The following PFKFB3 variants were observed in gnomAD, a reference collection of about 807,000 sequenced individuals.
PFKFB3 encodes 6-phosphofructo-2-kinase/fructose-2,6-biphosphatase 3, also known as 6-phosphofructo-2-kinase/fructose-2,6-bisphosphatase 3.
In PFKFB3, 33 loss-of-function variants were observed where a neutral mutation model predicts 68.0. The observed-to-expected ratio is 0.49, with a 90% CI of 0.37 to 0.65. The LOEUF (loss-of-function observed/expected upper bound fraction) is 0.65. PFKFB3 is among the 30% of genes least tolerant of loss of function. PFKFB3 has a pLI of 0.00. For synonymous variants in PFKFB3, 315 were observed against 288.2 expected, an observed-to-expected ratio of 1.09 and a Z score of -0.94; for missense variants, 586 against 712.2, an observed-to-expected ratio of 0.82 and a Z score of 2.02.
At chr10:6,265,958 G>A in the PFKFB3 span, among the ~76,000 whole-genome samples, 1 of 151,584 alleles carries the variant, frequency 6.6e-6, no homozygotes, top group Admixed American at 6.6e-5. Context: ...TTACGTAGGT[G>A]GGAGTGCAGT....
At position 6,235,522 on chromosome 10, in the gene PFKFB3, G is replaced by A. The variant is rs1845983562; in HGVS notation, c.*2580G>A. 1 of 152,286 alleles carries A rather than the reference G, an allele frequency of 6.6e-6. No individual in the cohort carries two copies. Among genetic ancestry groups the A allele is most frequent in the South Asian group, 2.1e-4 (1 of 4,828 alleles). The allele number at this position is 152,286 out of a possible 1,614,324, so 9.4% of individuals were successfully genotyped here. A position where few individuals can be genotyped will look rare whatever the true frequency, so the allele number is the denominator to read the frequency against. On this transcript the variant is annotated 3_prime_UTR_variant, in exon 15 of 15. Coordinates refer to ENST00000379775, the MANE Select transcript of PFKFB3 (RefSeq NM_004566.4). ...AGTTGCCAGACCAATAAAATACCTG[G>A]TTGAAATACATGGACGAAGTAAACC...
chr10:6,257,095 C>G (rs1846501883), downstream of PFKFB3, among the ~76,000 whole-genome samples: 1 of 152,178 alleles, frequency 6.6e-6, no homozygotes, highest in African/African-American at 2.4e-5. Flanking sequence ...TTCCCAACAG[C>G]AGCATCATAA....
At chr10:6,258,415 G>T (rs1846510954), downstream of PFKFB3, among the ~76,000 whole-genome samples, 1 of 152,236 alleles carries the variant, frequency 6.6e-6, no homozygotes, top group East Asian at 1.9e-4. Flanking sequence ...GCATGTGCCT[G>T]TGCAGTTAAT....
At chr10:6,170,518 G>A (rs1842275912) in intron 1 of PFKFB3, among the ~76,000 whole-genome samples, 1 of 152,180 alleles carries the variant, frequency 6.6e-6, no homozygotes, top group South Asian at 2.1e-4. Context: ...GACTGGCCTG[G>A]GCCACATAGA....
At chr10:6,180,440 T>C (rs1842679222) in intron 1 of PFKFB3, among the ~76,000 whole-genome samples, 1 of 152,202 alleles carries the variant, frequency 6.6e-6, no homozygotes, top group Non-Finnish European at 1.5e-5. Context: ...CTTCAAGTTT[T>C]TTCTTTTCTT....
At position 6,234,811 on chromosome 10, in the gene PFKFB3, A is replaced by G. The variant is rs1845937737; in HGVS notation, c.*1869A>G. The stretch of plus-strand genomic sequence containing the variant: ...GAAGTTTGATACAGATAGGGGCTTG[A>G]TAGCTGTGGTCCCCTCTCCCCTCTG... On this transcript the variant is annotated 3_prime_UTR_variant, in exon 15 of 15. Transcript: ENST00000379775. 6.6e-6 allele frequency: 1 copy of G among 152,282 alleles called. No homozygotes were observed. The allele number at this position is 152,282 out of a possible 1,614,324, so 9.4% of individuals were successfully genotyped here.
the PFKFB3 span, among the ~76,000 whole-genome samples, chr10:6,306,556 A>G: frequency 1.3e-5 from 2 of 152,172 alleles, no homozygotes; most frequent in African/African-American, 4.8e-5. Context: ...CAAAAATGTA[A>G]CAGATTTCCC....
chr10:6,201,536 A>G (rs1167714114), upstream of PFKFB3, among the ~76,000 whole-genome samples: 6 of 133,022 alleles, frequency 4.5e-5, no homozygotes, highest in Non-Finnish European at 9.5e-5. The surrounding 1 kb of genome is among the most constrained non-coding windows in gnomAD (Gnocchi z 4.1). Context: ...GCCCCTCGGC[A>G]GGCGGCGGGT....
In PFKFB3 at chr10:6,154,579, C is replaced by G. The variant is rs1467354403; in HGVS notation, c.16+9566C>G. Among the ~76,000 whole-genome samples, 1 of 152,150 alleles carries G rather than the reference C, an allele frequency of 6.6e-6. No homozygotes were observed. The highest frequency in any genetic ancestry group is 6.6e-5 in the Admixed American group (1 of 15,266). On this transcript the variant is annotated intron_variant, in intron 1 of 14. Transcript: ENST00000379789. This position sits in a 1 kb window ranked among gnomAD's most constrained non-coding sequence, Gnocchi z 4.6. ...ATTAACGTGACACCATAAAACGTCT[C>G]CGCCACGGGTGGCTACTATCCTGAG...
intron 1 of PFKFB3, among the ~76,000 whole-genome samples, chr10:6,191,307 C>T (rs1339495286): frequency 6.6e-6 from 1 of 152,226 alleles, no homozygotes; most frequent in Admixed American, 6.5e-5. Flanking sequence ...TCTGAATCCC[C>T]ACCAGCAGGG....
Position 6,228,145 on chromosome 10 carries a change from A to G in PFKFB3, c.1515+1780A>G. The G allele has an allele frequency of 6.2e-7, 1 of 1,610,118 alleles. No individual in the cohort carries two copies. The highest frequency in any genetic ancestry group is 8.5e-7 in the Non-Finnish European group (1 of 1,177,514). On this transcript the variant is annotated intron_variant, in intron 14 of 14. Transcript: ENST00000379775. This position sits in a 1 kb window ranked among gnomAD's most constrained non-coding sequence, Gnocchi z 4.5. ...GGGTTTTTCAGGGCTTCGTCCCTGC[A>G]GATTGCGCCCTGCCTCCTGACTGAC...
At chr10:6,157,123 A>T (rs1841827922) in intron 1 of PFKFB3, among the ~76,000 whole-genome samples, 1 of 152,044 alleles carries the variant, frequency 6.6e-6, no homozygotes, top group Admixed American at 6.6e-5. Flanking sequence ...AAAAAATTTT[A>T]AAAAGCAATT....
the PFKFB3 span, among the ~76,000 whole-genome samples, chr10:6,284,785 T>C: frequency 1.3e-5 from 2 of 152,196 alleles, no homozygotes; most frequent in African/African-American, 4.8e-5. Context: ...GTTACATTCT[T>C]TCCCTATAAA....
the PFKFB3 span, among the ~76,000 whole-genome samples, chr10:6,265,227 C>T: frequency 6.6e-6 from 1 of 151,888 alleles, no homozygotes; most frequent in Non-Finnish European, 1.5e-5. Flanking sequence ...ACTACAGGTG[C>T]ATGCCACCAT....
chr10:6,246,401 C>T (rs1056961490), intron 14 of PFKFB3, among the ~76,000 whole-genome samples: 6 of 151,156 alleles, frequency 4.0e-5, no homozygotes, highest in Non-Finnish European at 5.9e-5. Context: ...TGCAGTGGCA[C>T]GATCTCGGCT....
chr10:6,201,583 G>A (rs1843357074), upstream of PFKFB3, among the ~76,000 whole-genome samples: 1 of 151,814 alleles, frequency 6.6e-6, no homozygotes, highest in Non-Finnish European at 1.5e-5. The surrounding 1 kb of genome is among the most constrained non-coding windows in gnomAD (Gnocchi z 4.1). Context: ...CGGGCGCGCG[G>A]GGCGGGAGCA....
intron 1 of PFKFB3, among the ~76,000 whole-genome samples, chr10:6,163,595 T>C (rs926416024): frequency 2.9e-4 from 44 of 152,096 alleles, no homozygotes; most frequent in Admixed American, 9.2e-4. Context: ...CACCCTCCAT[T>C]GCACCCCGCG....
chr10:6,320,622 C>T, the PFKFB3 span, among the ~76,000 whole-genome samples: 1 of 152,032 alleles, frequency 6.6e-6, no homozygotes, highest in African/African-American at 2.4e-5. Context: ...ACGAGGTCTC[C>T]CTATGTTGCC....
At chr10:6,226,402 G>A (rs370461219) in intron 14 of PFKFB3, 37 bp downstream of exon 14, 21 of 1,564,314 alleles carry the variant, frequency 1.3e-5, no homozygotes, top group Non-Finnish European at 8.7e-6. Context: ...CCTGGGGGAC[G>A]CATGCCGGGC....
Sources: gnomAD v4.1 joint callset for allele counts (sites outside exome capture counted in the v4.1 genomes callset) on GRCh38, gnomAD v4.1.1 for gene constraint, Gnocchi (gnomAD v3.1) non-coding constraint, MANE v1.5 for transcripts, NCBI Gene and HGNC (gene_info 2026-07-23, HGNC 2026-07-21) for gene names.